The following ANKS1B variants were observed in gnomAD, a reference collection of about 807,000 sequenced individuals.
The protein encoded by ANKS1B is ankyrin repeat and sterile alpha motif domain containing 1B, also known as ankyrin repeat and sterile alpha motif domain-containing protein 1B.
A neutral mutation model predicts 148.3 loss-of-function variants in ANKS1B; 36 were observed. The ratio of observed to expected loss-of-function variants is 0.24; its 90% CI spans 0.19 to 0.32. The LOEUF is 0.32. Ranked by LOEUF, ANKS1B falls within the 10% of genes least tolerant of loss-of-function variation. The probability of loss-of-function intolerance (pLI) is 1.00; values close to 1 mark genes in which losing one functional copy is unlikely to be tolerated. For synonymous variants in ANKS1B, 542 were observed against 560.8 expected, an observed-to-expected ratio of 0.97 and a Z score of 0.47; for missense variants, 1,157 against 1,542.6, an observed-to-expected ratio of 0.75 and a Z score of 4.19.
intron 9 of ANKS1B, among the ~76,000 whole-genome samples, chr12:99,549,232 T>A (rs921703938): frequency 6.6e-6 from 1 of 152,214 alleles, no homozygotes; most frequent in Non-Finnish European, 1.5e-5. Flanking sequence ...TATTGATTAC[T>A]GTAAATAACT....
At chr12:98,798,640 G>C (rs189407292) in intron 22 of ANKS1B, among the ~76,000 whole-genome samples, 1 of 152,108 alleles carries the variant, frequency 6.6e-6, no homozygotes, top group African/African-American at 2.4e-5. Flanking sequence ...AAAACCTTTT[G>C]TTGTAATAAA....
Position 99,750,617 on chromosome 12 carries a change from A to G in ANKS1B, c.1128+22305T>C, listed in dbSNP as rs563889904. On this transcript the variant is annotated intron_variant, in intron 8 of 26. Transcript: ENST00000683438. Reference sequence around the variant, plus strand: ...CAGTTTGGGACAGCCATGTGATTGTATGACTGAGTACTAGTCAGTGGAAGA... The same window carrying G: ...CAGTTTGGGACAGCCATGTGATTGTGTGACTGAGTACTAGTCAGTGGAAGA... Among the ~76,000 whole-genome samples the G allele has an allele frequency of 4.3e-4, 65 of 152,174 alleles. 2 individuals carry two copies. The South Asian group carries it at 0.01, about 24-fold the overall frequency.
intron 12 of ANKS1B, among the ~76,000 whole-genome samples, chr12:99,365,819 C>T (rs750901105): frequency 7.2e-5 from 11 of 151,862 alleles, no homozygotes; most frequent in Admixed American, 3.3e-4. Context: ...ATTAATAGTA[C>T]AAGAGTTCCT....
intron 11 of ANKS1B, among the ~76,000 whole-genome samples, chr12:99,434,281 T>TAAATAAA: frequency 6.6e-6 from 1 of 152,160 alleles, no homozygotes; most frequent in Admixed American, 6.5e-5. Context: ...AAAGCAATAA[T>TAAATAAA]GCCAACTCTA....
chr12:99,612,700 CT>C (rs2097912959), intron 9 of ANKS1B, among the ~76,000 whole-genome samples: 1 of 152,052 alleles, frequency 6.6e-6, no homozygotes, highest in South Asian at 2.1e-4. Flanking sequence ...GTTTGCATGG[CT>C]TGTGGCTACA....
At chr12:98,950,707 A>G (rs2099852848) in intron 17 of ANKS1B, among the ~76,000 whole-genome samples, 1 of 152,174 alleles carries the variant, frequency 6.6e-6, no homozygotes, top group Non-Finnish European at 1.5e-5. Context: ...CACTGGAAAC[A>G]TCTGGGGTAG....
chr12:99,888,061 AAAAGGGT>A (rs778754943), intron 1 of ANKS1B, among the ~76,000 whole-genome samples: 34 of 152,354 alleles, frequency 2.2e-4, no homozygotes, highest in Non-Finnish European at 4.0e-4. Context: ...GGTTAATAAC[AAAAGGGT>A]AATGGAAGCA....
chr12:99,451,092 G>A (rs957756302), intron 10 of ANKS1B, among the ~76,000 whole-genome samples: 1 of 152,156 alleles, frequency 6.6e-6, no homozygotes, highest in East Asian at 1.9e-4. Context: ...AAAAGGAAAT[G>A]AGGCACATAA....
chr12:99,279,967 G>A (rs1279828638), intron 12 of ANKS1B, among the ~76,000 whole-genome samples: 2 of 151,900 alleles, frequency 1.3e-5, no homozygotes, highest in East Asian at 3.9e-4. Context: ...TCGCACAACT[G>A]CACTCCAGCC....
intron 17 of ANKS1B, among the ~76,000 whole-genome samples, chr12:98,990,684 A>C (rs1203475329): frequency 1.1e-4 from 17 of 152,188 alleles, no homozygotes; most frequent in Non-Finnish European, 2.5e-4. Flanking sequence ...GGCATGAGAA[A>C]GAAAAATATA....
In ANKS1B at chr12:98,997,454, T is replaced by C. The variant is rs146976176; in HGVS notation, c.2778+55703A>G. 4.8e-3 allele frequency among the ~76,000 whole-genome samples: 715 copies of C among 150,368 alleles called. 1 individual carries two copies. Among genetic ancestry groups the C allele is most frequent in the African/African-American group, 0.016 (670 of 40,794 alleles). ...AAGTCTTGCTGTCACCAGGCTGGAG[T>C]GCAGTGGCGTGATCTTGGCTCACTG... On this transcript the variant is annotated intron_variant, in intron 17 of 26. Coordinates refer to ENST00000683438, the MANE Select transcript of ANKS1B (RefSeq NM_001352186.2).
intron 16 of ANKS1B, among the ~76,000 whole-genome samples, chr12:99,060,594 T>C (rs1287625232): frequency 1.3e-5 from 2 of 151,886 alleles, no homozygotes; most frequent in Non-Finnish European, 1.5e-5. Flanking sequence ...TGAAATATTA[T>C]GGATCTGTTA....
intron 9 of ANKS1B, among the ~76,000 whole-genome samples, chr12:99,587,796 T>C (rs371590453): frequency 6.6e-5 from 10 of 152,146 alleles, no homozygotes; most frequent in African/African-American, 1.9e-4. Context: ...TTACATGGGA[T>C]CTTTAGCACA....
At chr12:99,353,100 C>T (rs1453750174) in intron 12 of ANKS1B, among the ~76,000 whole-genome samples, 1 of 152,038 alleles carries the variant, frequency 6.6e-6, no homozygotes, top group Non-Finnish European at 1.5e-5. Context: ...TAATTAGAAT[C>T]TTTGCTTCTC....
intron 9 of ANKS1B, among the ~76,000 whole-genome samples, chr12:99,597,800 T>A (rs569921629): frequency 6.6e-6 from 1 of 152,002 alleles, no homozygotes; most frequent in Non-Finnish European, 1.5e-5. Flanking sequence ...TCAAGGCACA[T>A]GAAAGGATCT....
chr12:99,500,846 TCTC>T (rs1419136834), intron 10 of ANKS1B, among the ~76,000 whole-genome samples: 1 of 152,148 alleles, frequency 6.6e-6, no homozygotes, highest in East Asian at 1.9e-4. Context: ...CTCTCTTTCT[TCTC>T]CTCTGGAACT....
At chr12:99,826,695 T>C (rs984978327) in intron 1 of ANKS1B, among the ~76,000 whole-genome samples, 1 of 152,176 alleles carries the variant, frequency 6.6e-6, no homozygotes, top group Non-Finnish European at 1.5e-5. Context: ...TTACATTACA[T>C]AGGTTCAATG....
intron 17 of ANKS1B, among the ~76,000 whole-genome samples, chr12:98,848,756 T>TTTTTTTTTTTTTTTTTTA (rs1567129301): frequency 2.1e-5 from 3 of 140,594 alleles, no homozygotes; most frequent in Non-Finnish European, 3.1e-5. Flanking sequence ...TTTTTTTTTT[T>TTTTTTTTTTTTTTTTTTA]GAGACGGAGT....
At chr12:98,836,928 ATT>A (rs2099367061) in intron 17 of ANKS1B, among the ~76,000 whole-genome samples, 1 of 152,226 alleles carries the variant, frequency 6.6e-6, no homozygotes, top group Admixed American at 6.5e-5. Context: ...AGCTTACAAT[ATT>A]GGAGAGATCA....
Sources: gnomAD v4.1 joint callset for allele counts (sites outside exome capture counted in the v4.1 genomes callset) on GRCh38, gnomAD v4.1.1 for gene constraint, MANE v1.5 for transcripts, NCBI Gene and HGNC (gene_info 2026-07-23, HGNC 2026-07-21) for gene names.